Variants in MICAL1 observed in about 807,000 individuals in gnomAD.
MICAL1 encodes [F-actin]-monooxygenase MICAL1.
In MICAL1, 95 loss-of-function variants were observed where a neutral mutation model predicts 131.8. That is an observed-to-expected ratio of 0.72 (90% CI 0.61 to 0.86). The LOEUF is 0.86. MICAL1 is among the 40% of genes least tolerant of loss of function. The pLI is 0.00. For synonymous variants in MICAL1, 546 were observed against 554.2 expected, an observed-to-expected ratio of 0.99 and a Z score of 0.21; for missense variants, 1,292 against 1,380.6, an observed-to-expected ratio of 0.94 and a Z score of 1.02.
rs1313447533 is a variant in MICAL1, at chr6:109,449,466, C to A, written c.1450G>T (p.Asp484Tyr). 6.2e-7 allele frequency: 1 copy of A among 1,614,234 alleles called. No individual in the cohort carries two copies. ...VTPNQVRDLY[D>Y]VLAKEPVQRN... Reference sequence around the variant, plus strand: ...TGCACAGGCTCCTTGGCTAGCACATCATACAGGTCTCGTACCTAAGGCAGC... The same window carrying A: ...TGCACAGGCTCCTTGGCTAGCACATAATACAGGTCTCGTACCTAAGGCAGC... The change falls in exon 11 of 25, where the codon GAT (aspartate) becomes TAT (tyrosine). Residue 484 changes from aspartate (D) to tyrosine (Y), a missense_variant. Transcript: ENST00000358807.
upstream of MICAL1, among the ~76,000 whole-genome samples, chr6:109,459,271 T>TA (rs916577029): frequency 6.6e-6 from 1 of 152,178 alleles, no homozygotes; most frequent in African/African-American, 2.4e-5. Context: ...GATGCTAAGC[T>TA]AAGGGTACAA....
In MICAL1 at chr6:109,445,590, G is replaced by A. The variant is rs115411825; in HGVS notation, c.2674-61C>T. On this transcript the variant is annotated intron_variant, in intron 20 of 24. Coordinates refer to ENST00000358807, the MANE Select transcript of MICAL1 (RefSeq NM_022765.4). ...GGGCCCCCTGGTGGATAGGAGTGTTGTTTGGAAAGGCAGAAAATAACCCGT... is the reference window on the plus strand; with the variant it reads ...GGGCCCCCTGGTGGATAGGAGTGTTATTTGGAAAGGCAGAAAATAACCCGT... The A allele has an allele frequency of 1.1e-3, 1,740 of 1,590,050 alleles. 17 individuals are homozygous for A. In the African/African-American group the frequency reaches 0.019, roughly 17 times the overall value.
chr6:109,453,340 A>C lies in MICAL1; in HGVS notation c.494T>G (p.Leu165Arg). 1.2e-6 allele frequency: 2 copies of C among 1,614,016 alleles called. No homozygotes were observed. Among genetic ancestry groups the C allele is most frequent in the South Asian group, 2.2e-5 (2 of 91,090 alleles). Residue 165 changes from leucine to arginine, a missense_variant, in exon 4 of 25, where the codon CTG becomes CGG. By Grantham distance (102) the Leu-to-Arg change is moderately radical. Coordinates refer to ENST00000358807, the MANE Select transcript of MICAL1 (RefSeq NM_022765.4). ...CACCCCCAGCAGCAATGCTACCTTC[A>C]GCAGAAGCAGCTGGAGCTGCCTGAT... ...ISIRQLQLLL[L>R]KVALLLGVEI...
rs758882806 is a variant in MICAL1 at position 109,446,448 on chromosome 6, T to C, written c.2305-36A>G. ...CACCATGTGGAGTGAGGTCGGGGGG[T>C]GAGGCCACCCCTTCGGAGCAAAGGT... On this transcript the variant is annotated intron_variant, in intron 18 of 24. Coordinates refer to ENST00000358807, the MANE Select transcript of MICAL1 (RefSeq NM_022765.4). The C allele has an allele frequency of 6.6e-6, 4 of 606,024 alleles. No individual in the cohort carries two copies. The African/African-American group carries it at 2.7e-4, about 41-fold the overall frequency. The allele number at this position is 606,024 out of a possible 1,614,324, so 37.5% of individuals were successfully genotyped here.
Position 109,446,725 on chromosome 6 carries a change from C to T in MICAL1, c.2275G>A (p.Glu759Lys). The stretch of plus-strand genomic sequence containing the variant: ...CTCTCAGGGCCTCTATCGCTGCCTT[C>T]CGCTTTGTGGTCTGTCTGGGGCAGG... ...QHLPQTDHKAEGSDRGPESPE... is the reference protein window; with the variant it reads ...QHLPQTDHKAKGSDRGPESPE... Residue 759 changes from glutamate (E) to lysine (K), a missense_variant, in exon 18 of 25, where the codon GAA becomes AAA. Physicochemically the swap from Glu to Lys is moderately conservative, Grantham distance 56. Coordinates refer to ENST00000358807, the MANE Select transcript of MICAL1 (RefSeq NM_022765.4). 6.2e-7 allele frequency: 1 copy of T among 1,613,824 alleles called. No individual in the cohort carries two copies. Among genetic ancestry groups the T allele is most frequent in the Middle Eastern group, 1.7e-4 (1 of 6,058 alleles).
In MICAL1 at chr6:109,448,533, A is replaced by G. The variant is rs968108151; in HGVS notation, c.1665-140T>C. On this transcript the variant is annotated intron_variant, in intron 12 of 24. Coordinates refer to ENST00000358807, the MANE Select transcript of MICAL1 (RefSeq NM_022765.4). ...TGAAGGTAGGTGTGTAGTCTCTGCT[A>G]CCCAGTGCCCAACCCAGTGACACTA... 1.0e-5 allele frequency: 13 copies of G among 1,254,970 alleles called. No homozygotes were observed. The African/African-American group carries it at 1.6e-4, about 16-fold the overall frequency. The allele number at this position is 1,254,970 out of a possible 1,614,324, so 77.7% of individuals were successfully genotyped here. A position where few individuals can be genotyped will look rare whatever the true frequency, so the allele number is the denominator to read the frequency against.
At position 109,446,179 on chromosome 6, in the gene MICAL1, C is replaced by G. The variant is rs528728578; in HGVS notation, c.2538G>C (p.Glu846Asp). The G allele has an allele frequency of 2.8e-5, 45 of 1,583,560 alleles. No individual in the cohort carries two copies. Among genetic ancestry groups the G allele is most frequent in the Non-Finnish European group, 3.7e-5 (43 of 1,167,430 alleles). Residue 846 changes from glutamate to aspartate, a missense_variant, in exon 19 of 25, where the codon GAG becomes GAC. By Grantham distance (45) the Glu-to-Asp change is conservative. Coordinates refer to ENST00000358807, the MANE Select transcript of MICAL1 (RefSeq NM_022765.4). ...GCAGGCCCCAGCCCACAAAGCTGCT[C>G]TCCAGGGCGTGGCGGGCCAAGGCGG... ...SCSALARHAL[E>D]SSFVGWGLPV...
chr6:109,452,039 G>C (rs1775563613), intron 6 of MICAL1: 1 of 1,408,206 alleles, frequency 7.1e-7, no homozygotes, highest in Non-Finnish European at 9.2e-7. Context: ...ATCTCTGAGA[G>C]ATTCCAGGAC....
chr6:109,451,957 C>T, intron 6 of MICAL1: 1 of 1,388,700 alleles, frequency 7.2e-7, no homozygotes, highest in Non-Finnish European at 9.3e-7. Context: ...GGTCGCATGG[C>T]AGTGCAAAAC....
chr6:109,449,520 A>C (rs752477140), intron 10 of MICAL1, 39 bp from the exon 11 acceptor site: 2 of 1,612,962 alleles, frequency 1.2e-6, no homozygotes, highest in Non-Finnish European at 1.7e-6. Flanking sequence ...CAGGCTGGCC[A>C]CACAGCCCCT....
At chr6:109,458,836 C>T (rs1325127633), upstream of MICAL1, among the ~76,000 whole-genome samples, 1 of 152,154 alleles carries the variant, frequency 6.6e-6, no homozygotes, top group East Asian at 1.9e-4. Flanking sequence ...CTTCAAGCAA[C>T]AAACCCATGG....
At chr6:109,454,350 G>T (rs1775666002) in intron 1 of MICAL1, 111 bp from the exon 2 acceptor site, 1 of 1,057,650 alleles carries the variant, frequency 9.5e-7, no homozygotes, top group Non-Finnish European at 1.3e-6. Context: ...ATTCACCAGT[G>T]ATTGGCTCTG....
intron 7 of MICAL1, among the ~76,000 whole-genome samples, chr6:109,450,761 C>G (rs901292090): frequency 6.6e-6 from 1 of 152,188 alleles, no homozygotes; most frequent in South Asian, 2.1e-4. Flanking sequence ...AACATTCACC[C>G]TGCTGCTGGG....
Position 109,445,891 on chromosome 6 carries a change from GC to G in MICAL1, c.2582-30del, listed in dbSNP as rs746365563. The stretch of plus-strand genomic sequence containing the variant: ...AGAAGAAGAACTGAGACGTTCTACT[GC>G]CTCCAGCGCCTGCCCCAGTCAGGCA... On this transcript the variant is annotated intron_variant, in intron 19 of 24. Coordinates refer to ENST00000358807, the MANE Select transcript of MICAL1 (RefSeq NM_022765.4). The G allele has an allele frequency of 7.8e-5, 123 of 1,578,672 alleles. No homozygotes were observed. In the Admixed American group the frequency reaches 2.2e-3, roughly 28 times the overall value.
intron 1 of MICAL1, chr6:109,465,590 G>A (rs1277609926): frequency 2.7e-6 from 4 of 1,466,700 alleles, no homozygotes; most frequent in East Asian, 2.5e-5. Flanking sequence ...AAAACTACCC[G>A]AGTCTTTATG....
upstream of MICAL1, chr6:109,455,882 G>A (rs1408269494): frequency 1.0e-6 from 1 of 985,420 alleles, no homozygotes; most frequent in Admixed American, 6.1e-5. This position sits in a 1 kb window ranked among gnomAD's most constrained non-coding sequence, Gnocchi z 4.7. Flanking sequence ...CGCGGAGTGT[G>A]GGCTTCCGCG....
chr6:109,445,314 C>T (rs41288548), intron 21 of MICAL1, 24 bp from the exon 22 acceptor site: 184 of 1,613,748 alleles, frequency 1.1e-4, no homozygotes, highest in Non-Finnish European at 1.5e-4. Context: ...GACAGAATAT[C>T]CAGGAGTCTC....
In MICAL1 at chr6:109,447,237, G is replaced by C; in HGVS notation, c.2071-8C>G. 6.2e-7 allele frequency: 1 copy of C among 1,613,926 alleles called. No individual in the cohort carries two copies. The highest frequency in any genetic ancestry group is 8.5e-7 in the Non-Finnish European group (1 of 1,179,862). On this transcript the variant is annotated splice_region_variant and splice_polypyrimidine_tract_variant and intron_variant, in intron 16 of 24. Coordinates refer to ENST00000358807, the MANE Select transcript of MICAL1 (RefSeq NM_022765.4). ...CAGGTCCCCAGCACCGGCCTGCGTG[G>C]ACCCCCAGGACACAGGGTCAGGTGG...
At chr6:109,458,070 G>C (rs1172798459), upstream of MICAL1, among the ~76,000 whole-genome samples, 2 of 147,734 alleles carry the variant, frequency 1.4e-5, 1 homozygote, top group East Asian at 4.1e-4. Flanking sequence ...GCTGTCCTAA[G>C]AAATGAACAG....
Sources: allele counts gnomAD v4.1 joint callset (sites outside exome capture counted in the v4.1 genomes callset), GRCh38; gene constraint gnomAD v4.1.1; non-coding constraint Gnocchi (gnomAD v3.1); transcripts MANE v1.5; gene names NCBI Gene and HGNC (gene_info 2026-07-23, HGNC 2026-07-21).